Variants in GPHN observed in about 807,000 individuals in gnomAD.
GPHN encodes the protein gephyrin.
A neutral mutation model predicts 95.5 loss-of-function variants in GPHN; 17 were observed. The observed-to-expected ratio is 0.18, with a 90% confidence interval of 0.12 to 0.27. The LOEUF (loss-of-function observed/expected upper bound fraction) is 0.27, where lower values mean the gene tolerates loss of function less well. Ranked by LOEUF, GPHN falls within the 10% of genes least tolerant of loss-of-function variation. The probability of loss-of-function intolerance (pLI) is 1.00; values close to 1 mark genes in which losing one functional copy is unlikely to be tolerated. For missense variants in GPHN, 660 were observed against 978.1 expected, an observed-to-expected ratio of 0.67 and a Z score of 4.34; for synonymous variants, 320 against 322.5, an observed-to-expected ratio of 0.99 and a Z score of 0.08.
At chr14:67,285,412 G>A in the GPHN span, among the ~76,000 whole-genome samples, 2 of 146,158 alleles carry the variant, frequency 1.4e-5, no homozygotes, top group Non-Finnish European at 3.0e-5. Flanking sequence ...TGTCGCCCAG[G>A]CTGGAGTGCA....
At chr14:67,358,688 T>C in the GPHN span, among the ~76,000 whole-genome samples, 1 of 152,136 alleles carries the variant, frequency 6.6e-6, no homozygotes, top group Non-Finnish European at 1.5e-5. Flanking sequence ...AGACCCTGTC[T>C]CTTATTAAAA....
the GPHN span, chr14:67,279,205 A>C: frequency 6.2e-7 from 1 of 1,609,950 alleles, no homozygotes; most frequent in Non-Finnish European, 8.5e-7. Flanking sequence ...CATGTTACAG[A>C]GGAATCAGAC....
At chr14:67,329,156 G>C in the GPHN span, among the ~76,000 whole-genome samples, 5 of 152,310 alleles carry the variant, frequency 3.3e-5, no homozygotes, top group East Asian at 1.9e-4. Flanking sequence ...ACTTGGTTGA[G>C]CAGTGGTTTG....
At chr14:67,633,276 T>C in the GPHN span, among the ~76,000 whole-genome samples, 5 of 152,218 alleles carry the variant, frequency 3.3e-5, no homozygotes, top group Non-Finnish European at 5.9e-5. Flanking sequence ...TCTCTTTTTT[T>C]TTCTTCTTTG....
chr14:67,328,661 G>T, the GPHN span, among the ~76,000 whole-genome samples: 3 of 152,178 alleles, frequency 2.0e-5, no homozygotes, highest in African/African-American at 7.2e-5. Flanking sequence ...TGTATAAGGT[G>T]TAAGGAAGGG....
the GPHN span, among the ~76,000 whole-genome samples, chr14:67,695,171 G>A: frequency 6.6e-6 from 1 of 152,196 alleles, no homozygotes; most frequent in Non-Finnish European, 1.5e-5. Flanking sequence ...CAACGAGAGA[G>A]CAAGGATGGG....
At chr14:67,158,242 G>T (rs560051261) in intron 18 of GPHN, among the ~76,000 whole-genome samples, 300 of 151,028 alleles carry the variant, frequency 2.0e-3, no homozygotes, top group Non-Finnish European at 3.2e-3. Flanking sequence ...AGGAGGAGGA[G>T]GATGCAGTGA....
At chr14:67,587,149 C>G in the GPHN span, 2 of 1,614,028 alleles carry the variant, frequency 1.2e-6, no homozygotes, top group Non-Finnish European at 1.7e-6. Flanking sequence ...CACCAACCCA[C>G]CCGGAGCCTG....
At chr14:67,330,147 TAA>T in the GPHN span, among the ~76,000 whole-genome samples, 24 of 146,956 alleles carry the variant, frequency 1.6e-4, no homozygotes, top group African/African-American at 3.7e-4. Context: ...TAAATAATAA[TAA>T]TAATAATTAT....
At chr14:66,886,799 G>A (rs750179558) in intron 5 of GPHN, among the ~76,000 whole-genome samples, 5 of 152,090 alleles carry the variant, frequency 3.3e-5, no homozygotes, top group African/African-American at 4.8e-5. Flanking sequence ...GATGAGTGAG[G>A]GAGAAAGGGG....
At chr14:67,002,168 A>G (rs1407327519) in intron 9 of GPHN, among the ~76,000 whole-genome samples, 2 of 151,664 alleles carry the variant, frequency 1.3e-5, no homozygotes, top group Non-Finnish European at 3.0e-5. Context: ...CACAATGAAT[A>G]TAAATGCATT....
At chr14:67,700,001 G>A in the GPHN span, among the ~76,000 whole-genome samples, 4 of 151,934 alleles carry the variant, frequency 2.6e-5, no homozygotes, top group East Asian at 5.8e-4. Context: ...TCAGCTGGGC[G>A]TGGTGGTGCG....
At chr14:66,589,065 T>C (rs563457142) in intron 1 of GPHN, among the ~76,000 whole-genome samples, 35 of 151,564 alleles carry the variant, frequency 2.3e-4, no homozygotes, top group African/African-American at 8.2e-4. Flanking sequence ...CAGAAGAGAG[T>C]GGGGGCCAAT....
chr14:67,053,200 A>G (rs1322965410), intron 10 of GPHN, among the ~76,000 whole-genome samples: 1 of 148,614 alleles, frequency 6.7e-6, no homozygotes, highest in South Asian at 2.1e-4. Flanking sequence ...GGAAAAAAAA[A>G]TTAATAAAAT....
chr14:67,735,228 G>A, the GPHN span: 2 of 1,447,532 alleles, frequency 1.4e-6, no homozygotes, highest in South Asian at 1.1e-5. Context: ...TGGTGTTCAG[G>A]TGCTCCCACG....
chr14:66,804,822 A>G (rs1044976553), intron 3 of GPHN, among the ~76,000 whole-genome samples: 13 of 152,206 alleles, frequency 8.5e-5, no homozygotes, highest in African/African-American at 3.1e-4. Context: ...TGTTACAGTA[A>G]AAGTATTACC....
At chr14:66,842,405 G>A (rs916664026) in intron 4 of GPHN, among the ~76,000 whole-genome samples, 2 of 152,210 alleles carry the variant, frequency 1.3e-5, no homozygotes, top group African/African-American at 4.8e-5. Context: ...CCATTTTGCC[G>A]TGGTGTAAAC....
At chr14:66,556,626 A>G (rs1440201628) in intron 1 of GPHN, among the ~76,000 whole-genome samples, 2 of 152,194 alleles carry the variant, frequency 1.3e-5, no homozygotes, top group African/African-American at 4.8e-5. Flanking sequence ...GAATTTTGAG[A>G]AATGAGTGTA....
chr14:66,666,662 AACTC>A (rs1284273391), intron 1 of GPHN, among the ~76,000 whole-genome samples: 1 of 152,200 alleles, frequency 6.6e-6, no homozygotes, highest in Non-Finnish European at 1.5e-5. Context: ...ATAGAAGACA[AACTC>A]ACAGCCAACA....
Sources: gnomAD v4.1 joint callset for allele counts (sites outside exome capture counted in the v4.1 genomes callset) on GRCh38, gnomAD v4.1.1 for gene constraint, MANE v1.5 for transcripts, NCBI Gene and HGNC (gene_info 2026-07-23, HGNC 2026-07-21) for gene names.